XKR9: variants seen among roughly 807,000 people sequenced by gnomAD.
XKR9 encodes XK-related protein 9.
XKR9 carries 32 observed loss-of-function variants against 32.0 expected under a neutral mutation model. That is an observed-to-expected ratio of 1.00 (90% CI 0.76 to 1.34). XKR9 has a LOEUF of 1.34. Among genes scored for constraint, XKR9 ranks in the 40% most tolerant of loss-of-function variants. XKR9 has a pLI of 0.00. For synonymous variants in XKR9, 168 were observed against 143.4 expected, an observed-to-expected ratio of 1.17 and a Z score of -1.22; for missense variants, 546 against 429.7, an observed-to-expected ratio of 1.27 and a Z score of -2.39.
the XKR9 span, among the ~76,000 whole-genome samples, chr8:70,842,174 G>A: frequency 6.6e-6 from 1 of 151,954 alleles, no homozygotes; most frequent in Non-Finnish European, 1.5e-5. Context: ...ATGGATTTCT[G>A]TTTTATTTGA....
At chr8:70,703,543 A>G (rs1805612157) in intron 3 of XKR9, among the ~76,000 whole-genome samples, 2 of 152,094 alleles carry the variant, frequency 1.3e-5, no homozygotes, top group African/African-American at 4.8e-5. Flanking sequence ...TCATTTTATC[A>G]TCTTCAAAAG....
At chr8:70,909,280 A>G in the XKR9 span, among the ~76,000 whole-genome samples, 5 of 152,102 alleles carry the variant, frequency 3.3e-5, no homozygotes, top group African/African-American at 9.7e-5. Flanking sequence ...TGGGCTATTT[A>G]TAGTTCATAC....
At chr8:70,953,207 T>C in the XKR9 span, among the ~76,000 whole-genome samples, 1 of 152,264 alleles carries the variant, frequency 6.6e-6, no homozygotes, top group African/African-American at 2.4e-5. Context: ...ACAATGATTA[T>C]AGCAGGCATT....
At chr8:70,910,707 G>A in the XKR9 span, among the ~76,000 whole-genome samples, 1 of 152,180 alleles carries the variant, frequency 6.6e-6, no homozygotes, top group Non-Finnish European at 1.5e-5. Context: ...TGTTCTACAA[G>A]TTAGAAGTTT....
chr8:71,056,063 A>G, the XKR9 span, among the ~76,000 whole-genome samples: 1 of 152,184 alleles, frequency 6.6e-6, no homozygotes, highest in Non-Finnish European at 1.5e-5. Context: ...AAATTTTGAG[A>G]CTCACTTTGT....
the XKR9 span, among the ~76,000 whole-genome samples, chr8:71,046,438 C>T: frequency 2.0e-5 from 3 of 152,164 alleles, no homozygotes; most frequent in Non-Finnish European, 4.4e-5. Flanking sequence ...CCTAACATTG[C>T]TTTTCAAATC....
chr8:70,727,656 C>T (rs2132231131), intron 4 of XKR9, among the ~76,000 whole-genome samples: 1 of 152,126 alleles, frequency 6.6e-6, no homozygotes, highest in South Asian at 2.1e-4. Context: ...CCTCGGCCTC[C>T]CAAAGTGCTG....
chr8:70,891,945 G>A, the XKR9 span, among the ~76,000 whole-genome samples: 10 of 152,088 alleles, frequency 6.6e-5, 1 homozygote, highest in Admixed American at 6.5e-4. Context: ...CTGTGGTGTT[G>A]GGTGTGTATA....
chr8:70,749,334 G>A (rs964932356), intron 2 of XKR9, among the ~76,000 whole-genome samples: 5 of 152,232 alleles, frequency 3.3e-5, no homozygotes, highest in African/African-American at 7.2e-5. Context: ...AAGAGCTGCG[G>A]CCCTTCTGGG....
At chr8:71,027,500 A>G in the XKR9 span, among the ~76,000 whole-genome samples, 12 of 149,020 alleles carry the variant, frequency 8.1e-5, no homozygotes, top group Admixed American at 2.0e-4. Flanking sequence ...ATGTGTGTGT[A>G]TATATATATA....
At chr8:70,687,407 C>T (rs187751932) in intron 3 of XKR9, among the ~76,000 whole-genome samples, 1 of 149,860 alleles carries the variant, frequency 6.7e-6, no homozygotes, top group African/African-American at 2.5e-5. Flanking sequence ...CTCTCTCTCT[C>T]TCTCCTTTCT....
the XKR9 span, among the ~76,000 whole-genome samples, chr8:70,962,321 A>T: frequency 6.6e-6 from 1 of 152,072 alleles, no homozygotes; most frequent in Non-Finnish European, 1.5e-5. Flanking sequence ...TGATCCTGTC[A>T]CCCAGTACCC....
At chr8:70,874,318 C>T in the XKR9 span, among the ~76,000 whole-genome samples, 1 of 152,020 alleles carries the variant, frequency 6.6e-6, no homozygotes, top group South Asian at 2.1e-4. Flanking sequence ...GATATTCCTG[C>T]TAATTATGTA....
intron 3 of XKR9, among the ~76,000 whole-genome samples, chr8:70,692,642 G>A (rs1463686525): frequency 6.6e-6 from 1 of 151,978 alleles, no homozygotes; most frequent in African/African-American, 2.4e-5. Flanking sequence ...GCAATGGTGC[G>A]ATCTTGGCTC....
chr8:70,793,215 G>T (rs2130274546), downstream of XKR9, among the ~76,000 whole-genome samples: 1 of 152,118 alleles, frequency 6.6e-6, no homozygotes, highest in East Asian at 1.9e-4. Flanking sequence ...TCTGGAACAT[G>T]CTAGGGTTTG....
intron 3 of XKR9, among the ~76,000 whole-genome samples, chr8:70,700,053 C>A (rs932236392): frequency 2.4e-4 from 36 of 152,288 alleles, no homozygotes; most frequent in African/African-American, 8.4e-4. Context: ...TAAGCACTCT[C>A]TGTATTGGTT....
intron 4 of XKR9, among the ~76,000 whole-genome samples, chr8:70,717,414 G>A (rs888844003): frequency 9.2e-5 from 14 of 152,160 alleles, no homozygotes; most frequent in African/African-American, 3.1e-4. Flanking sequence ...TAAAATCTAG[G>A]TGGAGGTTCC....
chr8:70,792,918 C>CT (rs1481282188), downstream of XKR9, among the ~76,000 whole-genome samples: 1 of 152,124 alleles, frequency 6.6e-6, no homozygotes, highest in Non-Finnish European at 1.5e-5. Flanking sequence ...TGATCTTGGA[C>CT]TTTCCAGCTT....
At chr8:70,689,499 TTA>T (rs201253148) in intron 3 of XKR9, among the ~76,000 whole-genome samples, 1,773 of 148,356 alleles carry the variant, frequency 0.012, 32 homozygotes, top group African/African-American at 0.039. Flanking sequence ...TATATATGTA[TTA>T]TATATATATG....
Sources: allele counts gnomAD v4.1 joint callset (sites outside exome capture counted in the v4.1 genomes callset), GRCh38; gene constraint gnomAD v4.1.1; transcripts MANE v1.5; gene names NCBI Gene and HGNC (gene_info 2026-07-23, HGNC 2026-07-21).